The following NPFFR2 variants were observed in gnomAD, a reference collection of about 807,000 sequenced individuals.
NPFFR2 encodes the protein neuropeptide FF receptor 2.
In NPFFR2, 15 loss-of-function variants were observed where a neutral mutation model predicts 13.1. The observed-to-expected ratio is 1.15, with a 90% CI of 0.77 to 1.76. NPFFR2 has a LOEUF of 1.76. Among genes scored for constraint, NPFFR2 ranks in the 40% most tolerant of loss-of-function variants. The probability of loss-of-function intolerance (pLI) is 0.00; values close to 1 mark genes in which losing one functional copy is unlikely to be tolerated. For missense variants in NPFFR2, 572 were observed against 503.5 expected (o/e 1.14, Z -1.30); for synonymous variants, 190 against 175.7 (o/e 1.08, Z -0.65).
chr4:72,079,131 A>G (rs1720528124), intron 1 of NPFFR2, among the ~76,000 whole-genome samples: 1 of 151,658 alleles, frequency 6.6e-6, no homozygotes, highest in South Asian at 2.1e-4. Flanking sequence ...TATCAGTGTC[A>G]AACTCCTGCT....
intron 1 of NPFFR2, among the ~76,000 whole-genome samples, chr4:72,124,477 G>T (rs1241904537): frequency 6.6e-6 from 1 of 150,726 alleles, no homozygotes; most frequent in African/African-American, 2.5e-5. Context: ...GGAGGCATCA[G>T]GCTACCTGAC....
intron 1 of NPFFR2, among the ~76,000 whole-genome samples, chr4:72,088,805 C>G (rs959081890): frequency 6.6e-6 from 1 of 151,980 alleles, no homozygotes. Flanking sequence ...TCCACCAGGC[C>G]CCTCCCTTGA....
rs1722812332 is a variant in NPFFR2 at position 72,147,238 on chromosome 4, C to T, written c.689C>T (p.Ala230Val). The T allele has an allele frequency of 1.9e-6, 3 of 1,614,162 alleles. No homozygotes were observed. Among genetic ancestry groups the T allele is most frequent in the Non-Finnish European group, 1.7e-6 (2 of 1,180,016 alleles). The part of the protein sequence containing the change: ...TTVLFANIYL[A>V]PLSLIVIMYG... The stretch of plus-strand genomic sequence containing the variant: ...GTGCTGTTTGCCAACATCTACCTGG[C>T]TCCCCTCTCCCTCATTGTCATCATG... Residue 230 changes from alanine (A) to valine (V), a missense_variant, in exon 4 of 4, where the codon GCT (alanine) becomes GTT (valine). Coordinates refer to ENST00000308744, the MANE Select transcript of NPFFR2 (RefSeq NM_004885.3).
At chr4:72,132,040 G>A (rs1722260250) in intron 2 of NPFFR2, among the ~76,000 whole-genome samples, 2 of 151,478 alleles carry the variant, frequency 1.3e-5, no homozygotes, top group East Asian at 1.9e-4. Context: ...AGGGGTACAT[G>A]TACAAGTTTA....
chr4:72,142,529 G>T lies in NPFFR2; in HGVS notation c.428+4390G>T, dbSNP rs537679203. The stretch of plus-strand genomic sequence containing the variant: ...TTCTGCATCTATCATGCTGGGAGCT[G>T]CAGACCACAGCTGTTCCTATCCGGC... On this transcript the variant is annotated intron_variant, in intron 3 of 3. Transcript: ENST00000308744. Among the ~76,000 whole-genome samples, 3 of 152,240 alleles carry T rather than the reference G, an allele frequency of 2.0e-5. No homozygotes were observed. In the South Asian group the frequency reaches 6.2e-4, roughly 32 times the overall value.
intron 1 of NPFFR2, among the ~76,000 whole-genome samples, chr4:72,126,487 TAGAAAAGCCTG>T (rs1722046683): frequency 6.6e-6 from 1 of 152,212 alleles, no homozygotes; most frequent in Non-Finnish European, 1.5e-5. Context: ...CTGCTACCCT[TAGAAAAGCCTG>T]CTTGCTAAGT....
chr4:72,093,783 G>C (rs1424283589), intron 1 of NPFFR2, among the ~76,000 whole-genome samples: 2 of 146,692 alleles, frequency 1.4e-5, no homozygotes, highest in Non-Finnish European at 3.0e-5. Flanking sequence ...TTTCTTTGGT[G>C]CCTCTTGGAT....
At chr4:72,126,144 T>C (rs950505969) in intron 1 of NPFFR2, among the ~76,000 whole-genome samples, 1 of 152,236 alleles carries the variant, frequency 6.6e-6, no homozygotes, top group Non-Finnish European at 1.5e-5. Context: ...GCATATGATA[T>C]ACTTGCATCT....
At chr4:72,055,753 A>G (rs1719725464) in intron 1 of NPFFR2, among the ~76,000 whole-genome samples, 1 of 152,026 alleles carries the variant, frequency 6.6e-6, no homozygotes, top group Admixed American at 6.6e-5. Context: ...CAGTGAATAC[A>G]TGAATGATAA....
intron 1 of NPFFR2, among the ~76,000 whole-genome samples, chr4:72,046,503 C>T (rs961629395): frequency 3.3e-5 from 5 of 152,134 alleles, no homozygotes; most frequent in African/African-American, 9.7e-5. Context: ...TTGGACTTCC[C>T]ATTATCCAGA....
At chr4:72,123,295 C>G (rs1411327948) in intron 1 of NPFFR2, among the ~76,000 whole-genome samples, 1 of 152,030 alleles carries the variant, frequency 6.6e-6, no homozygotes, top group African/African-American at 2.4e-5. Flanking sequence ...CCAAAAAAAG[C>G]CCAGAACCAG....
At chr4:72,087,433 T>C (rs1720800900) in intron 1 of NPFFR2, among the ~76,000 whole-genome samples, 1 of 152,044 alleles carries the variant, frequency 6.6e-6, no homozygotes, top group African/African-American at 2.4e-5. Flanking sequence ...TTTACAGATA[T>C]TGTTACAGGA....
At chr4:72,113,898 C>T (rs1317036177) in intron 1 of NPFFR2, among the ~76,000 whole-genome samples, 4 of 152,056 alleles carry the variant, frequency 2.6e-5, no homozygotes, top group Admixed American at 2.6e-4. Context: ...CCTTATACCT[C>T]AGTTTAAGGG....
At chr4:72,072,596 T>C (rs1720291561) in intron 1 of NPFFR2, among the ~76,000 whole-genome samples, 1 of 151,982 alleles carries the variant, frequency 6.6e-6, no homozygotes, top group Non-Finnish European at 1.5e-5. Context: ...CAGATCAACA[T>C]ATACATTATG....
At chr4:72,067,638 T>C (rs566725835) in intron 1 of NPFFR2, among the ~76,000 whole-genome samples, 1 of 152,186 alleles carries the variant, frequency 6.6e-6, no homozygotes, top group South Asian at 2.1e-4. Flanking sequence ...TTTTTTTCTC[T>C]CTTCTCACAT....
chr4:72,070,665 C>T (rs1271965297), intron 1 of NPFFR2, among the ~76,000 whole-genome samples: 1 of 151,590 alleles, frequency 6.6e-6, no homozygotes, highest in African/African-American at 2.4e-5. Context: ...GAGGACCCTC[C>T]CCTCATGGCC....
rs369681038 is a variant in NPFFR2 at position 72,128,966 on chromosome 4, C to G, written c.328+47C>G. Reference sequence around the variant, plus strand: ...TTGAAGATAATATGAAATATTTGTCCCATATTTCAGCAGCCATTGGCAGGG... The same window carrying G: ...TTGAAGATAATATGAAATATTTGTCGCATATTTCAGCAGCCATTGGCAGGG... On this transcript the variant is annotated intron_variant, in intron 2 of 3. Transcript: ENST00000308744. The G allele has an allele frequency of 1.8e-4, 254 of 1,416,600 alleles. 1 individual carries two copies. The highest frequency in any genetic ancestry group is 2.4e-4 in the Non-Finnish European group (244 of 1,023,534). The allele number at this position is 1,416,600 out of a possible 1,614,324, so 87.8% of individuals were successfully genotyped here. A position where few individuals can be genotyped will look rare whatever the true frequency, so the allele number is the denominator to read the frequency against.
chr4:72,116,176 T>G (rs1057355236), intron 1 of NPFFR2, among the ~76,000 whole-genome samples: 1 of 152,144 alleles, frequency 6.6e-6, no homozygotes, highest in Non-Finnish European at 1.5e-5. Context: ...TAAAGAAATT[T>G]TTTTCTGTAA....
intron 1 of NPFFR2, among the ~76,000 whole-genome samples, chr4:72,075,769 A>G (rs1578438878): frequency 6.6e-6 from 1 of 152,048 alleles, no homozygotes; most frequent in Admixed American, 6.6e-5. Flanking sequence ...GGCTGGGAGG[A>G]GAAAGGAATG....
Sources: gnomAD v4.1 joint callset for allele counts (sites outside exome capture counted in the v4.1 genomes callset) on GRCh38, gnomAD v4.1.1 for gene constraint, MANE v1.5 for transcripts, NCBI Gene and HGNC (gene_info 2026-07-23, HGNC 2026-07-21) for gene names.